PCDH10: variants seen among roughly 807,000 people sequenced by gnomAD.
The protein encoded by PCDH10 is protocadherin-10.
Under a neutral mutation model 74.4 loss-of-function variants are expected in PCDH10, and 15 were observed. The ratio of observed to expected loss-of-function variants is 0.20; its 90% confidence interval spans 0.13 to 0.31. The LOEUF is 0.31. PCDH10 is among the 10% of genes least tolerant of loss of function. The pLI is 1.00. For synonymous variants in PCDH10, 619 were observed against 589.8 expected (o/e 1.05, Z -0.72); for missense variants, 1,260 against 1,390.2 (o/e 0.91, Z 1.49).
At chr4:133,176,911 T>C (rs761421664) in intron 4 of PCDH10, among the ~76,000 whole-genome samples, 7 of 152,178 alleles carry the variant, frequency 4.6e-5, no homozygotes, top group Middle Eastern at 6.8e-3. Context: ...TTTATTTCAG[T>C]ATAGGAAATA....
Position 133,155,086 on chromosome 4 carries a change from C to T in PCDH10, c.2797+63C>T, listed in dbSNP as rs542738144. On this transcript the variant is annotated intron_variant, in intron 3 of 4. Transcript: ENST00000264360. ...TATAGTTTTTGTTTTTAAAAATAAACGTAGGAAGGATGATGTCCTAGGCAA... is the reference window on the plus strand; with the variant it reads ...TATAGTTTTTGTTTTTAAAAATAAATGTAGGAAGGATGATGTCCTAGGCAA... 9.4e-5 allele frequency: 108 copies of T among 1,143,330 alleles called. No homozygotes were observed. In the African/African-American group the frequency reaches 1.4e-3, roughly 15 times the overall value. The allele number at this position is 1,143,330 out of a possible 1,614,324, so 70.8% of individuals were successfully genotyped here.
downstream of PCDH10, among the ~76,000 whole-genome samples, chr4:133,199,062 G>A (rs1301804943): frequency 6.6e-6 from 1 of 151,872 alleles, no homozygotes; most frequent in African/African-American, 2.4e-5. Context: ...TGGACGGATC[G>A]CTTGAGCTCA....
intron 2 of PCDH10, among the ~76,000 whole-genome samples, chr4:133,200,665 A>G (rs1440250578): frequency 6.6e-6 from 1 of 152,186 alleles, no homozygotes; most frequent in African/African-American, 2.4e-5. Context: ...CCTTAAAAAT[A>G]TTTTGGTCTG....
chr4:133,156,823 A>T (rs1050590493), intron 3 of PCDH10, among the ~76,000 whole-genome samples: 2 of 152,218 alleles, frequency 1.3e-5, no homozygotes, highest in African/African-American at 2.4e-5. Flanking sequence ...GAAATGAATA[A>T]ACATCTGCAA....
intron 4 of PCDH10, among the ~76,000 whole-genome samples, chr4:133,186,729 G>A (rs569716715): frequency 6.6e-6 from 1 of 151,966 alleles, no homozygotes; most frequent in Non-Finnish European, 1.5e-5. Flanking sequence ...GGTTTTGTTT[G>A]TTTTTTGAGG....
Position 133,190,319 on chromosome 4 carries a change from T to G in PCDH10, c.*159T>G. The G allele has an allele frequency of 1.5e-6, 1 of 683,548 alleles. No individual in the cohort carries two copies. The highest frequency in any genetic ancestry group is 1.7e-5 in the South Asian group (1 of 59,178). The allele number at this position is 683,548 out of a possible 1,614,324, so 42.3% of individuals were successfully genotyped here. A position where few individuals can be genotyped will look rare whatever the true frequency, so the allele number is the denominator to read the frequency against. On this transcript the variant is annotated 3_prime_UTR_variant, in exon 5 of 5. Coordinates refer to ENST00000264360, the MANE Select transcript of PCDH10 (RefSeq NM_032961.3). ...CATCATGGCCAATTATAGGACCTAA[T>G]TGCTCTCAGCAGGCCTGAGAAATGA...
intron 2 of PCDH10, among the ~76,000 whole-genome samples, chr4:133,207,529 AC>A (rs1199046680): frequency 6.6e-6 from 1 of 152,098 alleles, no homozygotes; most frequent in Non-Finnish European, 1.5e-5. Flanking sequence ...TGTGCTAAGT[AC>A]TTTGTTAGCT....
At chr4:133,206,657 T>C (rs1358770222) in intron 2 of PCDH10, among the ~76,000 whole-genome samples, 1 of 152,210 alleles carries the variant, frequency 6.6e-6, no homozygotes, top group Non-Finnish European at 1.5e-5. Context: ...TCCTCAATTG[T>C]TTGTCTTTTA....
chr4:133,171,699 G>T (rs991486295), intron 4 of PCDH10, among the ~76,000 whole-genome samples: 1 of 152,158 alleles, frequency 6.6e-6, no homozygotes, highest in Non-Finnish European at 1.5e-5. Context: ...TAATGTTACA[G>T]CTTGGCAGTT....
In PCDH10 at chr4:133,152,464, C is replaced by A. The variant is rs756864647; in HGVS notation, c.2324C>A (p.Ala775Asp). The change falls in exon 1 of 5, where the codon GCC becomes GAC. Residue 775 changes from alanine to aspartate, a missense_variant. Around this residue, in one of 11 missense-constraint regions of PCDH10, gnomAD observed 587 missense variants for 616.9 expected, o/e 0.95. Transcript: ENST00000264360. Reference protein sequence around the residue: ...GGGSTCCGRQARARKKKLSKS... With the variant: ...GGGSTCCGRQDRARKKKLSKS... ...GGTTCGACCTGCTGTGGCCGCCAAGCCCGGGCGCGCAAGAAGAAACTCAGC... is the reference window on the plus strand; with the variant it reads ...GGTTCGACCTGCTGTGGCCGCCAAGACCGGGCGCGCAAGAAGAAACTCAGC... The A allele has an allele frequency of 6.2e-7, 1 of 1,614,118 alleles. No individual in the cohort carries two copies. The highest frequency in any genetic ancestry group is 1.1e-5 in the South Asian group (1 of 91,082).
chr4:133,206,267 C>T (rs947055108), intron 2 of PCDH10, among the ~76,000 whole-genome samples: 1 of 152,086 alleles, frequency 6.6e-6, no homozygotes, highest in East Asian at 1.9e-4. Flanking sequence ...CTTTGTATGA[C>T]GATTGCACAT....
intron 2 of PCDH10, among the ~76,000 whole-genome samples, chr4:133,206,099 C>T (rs1727998296): frequency 1.3e-5 from 2 of 152,054 alleles, no homozygotes; most frequent in African/African-American, 2.4e-5. Flanking sequence ...AATTGGGGAA[C>T]TCCTGGTCAA....
intron 4 of PCDH10, among the ~76,000 whole-genome samples, chr4:133,180,813 A>C (rs969401438): frequency 6.6e-6 from 1 of 152,046 alleles, no homozygotes; most frequent in East Asian, 1.9e-4. Context: ...CAAAAGTAAC[A>C]TAATGATTTA....
At chr4:133,196,253 C>T (rs1167199842), downstream of PCDH10, among the ~76,000 whole-genome samples, 2 of 152,050 alleles carry the variant, frequency 1.3e-5, no homozygotes, top group Admixed American at 6.6e-5. Flanking sequence ...ATCAGTTTTT[C>T]AGAGTATTTG....
At position 133,152,318 on chromosome 4, in the gene PCDH10, C is replaced by T. The variant is rs1726736074; in HGVS notation, c.2178C>T (p.Ser726=). The T allele has an allele frequency of 1.9e-6, 3 of 1,614,182 alleles. No individual in the cohort carries two copies. In the South Asian group the frequency reaches 3.3e-5, roughly 18 times the overall value. Residue 726 remains serine, a synonymous_variant, in exon 1 of 5, where the codon TCC becomes TCT. Coordinates refer to ENST00000264360, the MANE Select transcript of PCDH10 (RefSeq NM_032961.3). ...TCATCATCGCGTTGGGCTCGGTGTC[C>T]TTCATCTTCCTGCTGGCCATGATCG... ...LILIIALGSV[S]FIFLLAMIVL... is the part of the protein sequence containing the mutation.
At chr4:133,189,602 T>C (rs1410682736) in intron 4 of PCDH10, among the ~76,000 whole-genome samples, 3 of 152,084 alleles carry the variant, frequency 2.0e-5, no homozygotes, top group Non-Finnish European at 4.4e-5. Context: ...ATACTTGGTT[T>C]TAAAATTTTA....
chr4:133,203,741 G>A (rs779764510), intron 2 of PCDH10, among the ~76,000 whole-genome samples: 26 of 152,262 alleles, frequency 1.7e-4, no homozygotes, highest in Non-Finnish European at 3.5e-4. Context: ...CTTTCAGTCC[G>A]TTTCCTGATC....
intron 3 of PCDH10, among the ~76,000 whole-genome samples, chr4:133,155,756 C>T (rs892401088): frequency 6.6e-6 from 1 of 152,090 alleles, no homozygotes; most frequent in African/African-American, 2.4e-5. Flanking sequence ...TTTTATTTCA[C>T]TTTTCTTTTT....
chr4:133,183,398 G>C (rs1036270997), intron 4 of PCDH10, among the ~76,000 whole-genome samples: 5 of 151,940 alleles, frequency 3.3e-5, no homozygotes, highest in African/African-American at 1.2e-4. Context: ...AGTGCCTACT[G>C]ATCTTCCATC....
Sources: allele counts gnomAD v4.1 joint callset (sites outside exome capture counted in the v4.1 genomes callset), GRCh38; gene constraint gnomAD v4.1.1; regional missense constraint gnomAD v4.1.1; transcripts MANE v1.5; gene names NCBI Gene and HGNC (gene_info 2026-07-23, HGNC 2026-07-21).